GRID1: variants seen among roughly 807,000 people sequenced by gnomAD.
GRID1 encodes the protein glutamate ionotropic receptor delta type subunit 1, also known as glutamate receptor ionotropic, delta-1.
Under a neutral mutation model 98.0 loss-of-function variants are expected in GRID1, and 28 were observed. The observed-to-expected ratio is 0.29, with a 90% CI of 0.21 to 0.39. The LOEUF (loss-of-function observed/expected upper bound fraction) is 0.39. GRID1 is among the 10% of genes least tolerant of loss of function. GRID1 has a pLI of 1.00. For synonymous variants in GRID1, 553 were observed against 538.5 expected, an observed-to-expected ratio of 1.03 and a Z score of -0.37; for missense variants, 1,111 against 1,340.5, an observed-to-expected ratio of 0.83 and a Z score of 2.67.
chr10:86,201,400 CCA>C (rs1191525143), intron 3 of GRID1, among the ~76,000 whole-genome samples: 1 of 152,172 alleles, frequency 6.6e-6, no homozygotes, highest in Non-Finnish European at 1.5e-5. Context: ...GAGCTGCAAG[CCA>C]CTATCCTGAG....
At chr10:86,229,734 G>A (rs889480209) in intron 2 of GRID1, among the ~76,000 whole-genome samples, 1 of 152,172 alleles carries the variant, frequency 6.6e-6, no homozygotes, top group Non-Finnish European at 1.5e-5. Flanking sequence ...ACAGCCGGGC[G>A]TGCGGGCCAG....
chr10:85,952,015 A>G (rs934974867), intron 4 of GRID1, among the ~76,000 whole-genome samples: 1 of 152,176 alleles, frequency 6.6e-6, no homozygotes, highest in Non-Finnish European at 1.5e-5. Context: ...ACAAATCTCC[A>G]TGTCAGGCCC....
chr10:85,623,528 C>T (rs1275744665), intron 13 of GRID1, among the ~76,000 whole-genome samples: 3 of 152,200 alleles, frequency 2.0e-5, no homozygotes, highest in African/African-American at 7.2e-5. Flanking sequence ...CTGGCTTCCC[C>T]ACTACGGGGG....
intron 4 of GRID1, among the ~76,000 whole-genome samples, chr10:86,038,341 C>T (rs116640588): frequency 0.011 from 1,732 of 152,284 alleles, 32 homozygotes; most frequent in African/African-American, 0.039. Context: ...AAGCCAGGTA[C>T]GATTACAAAC....
intron 4 of GRID1, among the ~76,000 whole-genome samples, chr10:86,125,721 C>G (rs1844742514): frequency 6.6e-6 from 1 of 152,118 alleles, no homozygotes; most frequent in Non-Finnish European, 1.5e-5. Context: ...CATGAGACAG[C>G]AAGACCAACC....
rs144579569 is a variant in GRID1 at position 85,608,877 on chromosome 10, C to T, written c.2601+4530G>A. ...GAAACATGCACACTCACTATTCTTA[C>T]TCTCATGCTAAGCCATTTGCTCCTG... On this transcript the variant is annotated intron_variant, in intron 15 of 15. Coordinates refer to ENST00000327946, the MANE Select transcript of GRID1 (RefSeq NM_017551.3). Among the ~76,000 whole-genome samples the T allele has an allele frequency of 4.6e-5, 7 of 152,294 alleles. No homozygotes were observed. In the South Asian group the frequency reaches 1.0e-3, roughly 23 times the overall value.
chr10:85,743,192 C>A (rs529841220), intron 8 of GRID1, among the ~76,000 whole-genome samples: 1 of 145,384 alleles, frequency 6.9e-6, no homozygotes, highest in East Asian at 2.2e-4. Context: ...GACCACCATG[C>A]TGGAGAGACC....
intron 8 of GRID1, among the ~76,000 whole-genome samples, chr10:85,854,223 C>T (rs538903268): frequency 6.6e-6 from 1 of 152,308 alleles, no homozygotes; most frequent in East Asian, 1.9e-4. Flanking sequence ...ATGCAGCCCC[C>T]TGATCCAAGC....
At chr10:85,635,656 G>A (rs1843030581) in intron 13 of GRID1, among the ~76,000 whole-genome samples, 1 of 152,166 alleles carries the variant, frequency 6.6e-6, no homozygotes, top group African/African-American at 2.4e-5. Flanking sequence ...CTCTAGAGAA[G>A]CCCCAAGTCT....
intron 2 of GRID1, among the ~76,000 whole-genome samples, chr10:86,214,453 GCA>G (rs369623146): frequency 5.6e-4 from 85 of 152,274 alleles, no homozygotes; most frequent in African/African-American, 1.9e-3. Flanking sequence ...TGCCTTCCTG[GCA>G]CTAACAAACA....
At chr10:86,009,026 A>G (rs1352543093) in intron 4 of GRID1, among the ~76,000 whole-genome samples, 1 of 152,186 alleles carries the variant, frequency 6.6e-6, no homozygotes, top group Non-Finnish European at 1.5e-5. Flanking sequence ...GTCCTATTGT[A>G]ATATTATATA....
intron 8 of GRID1, among the ~76,000 whole-genome samples, chr10:85,831,712 A>G (rs1201112966): frequency 6.6e-6 from 1 of 152,070 alleles, no homozygotes; most frequent in African/African-American, 2.4e-5. Context: ...CCTCTAATAA[A>G]CCCTGGGTCA....
chr10:85,889,558 C>T (rs1240655853), intron 5 of GRID1, among the ~76,000 whole-genome samples: 1 of 152,132 alleles, frequency 6.6e-6, no homozygotes, highest in Non-Finnish European at 1.5e-5. Context: ...TGGTTTTATA[C>T]TACATTTTCT....
chr10:85,990,294 C>T (rs1842664442), intron 4 of GRID1, among the ~76,000 whole-genome samples: 1 of 152,148 alleles, frequency 6.6e-6, no homozygotes. Flanking sequence ...TCACGTGACA[C>T]CAGTAAGCCA....
At chr10:85,839,796 T>C (rs1350488303) in intron 8 of GRID1, among the ~76,000 whole-genome samples, 1 of 151,136 alleles carries the variant, frequency 6.6e-6, no homozygotes, top group Non-Finnish European at 1.5e-5. Context: ...GGAAAACCAT[T>C]CAAAAGATCA....
chr10:85,728,256 G>T (rs1216549665), intron 9 of GRID1, among the ~76,000 whole-genome samples: 1 of 152,164 alleles, frequency 6.6e-6, no homozygotes, highest in Non-Finnish European at 1.5e-5. Context: ...CCAATCAGTA[G>T]GTCCATACAG....
intron 3 of GRID1, among the ~76,000 whole-genome samples, chr10:86,146,315 G>C (rs1845088851): frequency 6.6e-6 from 1 of 152,080 alleles, no homozygotes; most frequent in South Asian, 2.1e-4. Context: ...TCTTACCTGA[G>C]CCCCCAAAGA....
At position 86,008,163 on chromosome 10, in the gene GRID1, A is replaced by G. The variant is rs1454705275; in HGVS notation, c.727-91924T>C. ...TAACAGAGCAATCCCTCCCCTGGAG[A>G]CCAGAGGGGCTTGGCACTGTGGTGG... is the stretch of plus-strand genomic sequence containing the variant. On this transcript the variant is annotated intron_variant, in intron 4 of 15. Transcript: ENST00000327946. Among the ~76,000 whole-genome samples, 6 of 152,158 alleles carry G rather than the reference A, an allele frequency of 3.9e-5. No individual in the cohort carries two copies. The East Asian group carries it at 9.6e-4, about 24-fold the overall frequency.
At chr10:86,219,489 C>T (rs929652627) in intron 2 of GRID1, among the ~76,000 whole-genome samples, 1 of 152,218 alleles carries the variant, frequency 6.6e-6, no homozygotes, top group Non-Finnish European at 1.5e-5. Flanking sequence ...CCAGCAAGCC[C>T]CCAGCATGCC....
Sources: allele counts gnomAD v4.1 joint callset (sites outside exome capture counted in the v4.1 genomes callset), GRCh38; gene constraint gnomAD v4.1.1; transcripts MANE v1.5; gene names NCBI Gene and HGNC (gene_info 2026-07-23, HGNC 2026-07-21).